Variants in PCCA observed in about 807,000 individuals in gnomAD.
PCCA encodes propionyl-CoA carboxylase alpha chain, mitochondrial.
Under a neutral mutation model 101.3 loss-of-function variants are expected in PCCA, and 74 were observed. The observed-to-expected ratio is 0.73, with a 90% CI of 0.61 to 0.89. PCCA has a LOEUF of 0.89. PCCA is among the 40% of genes least tolerant of loss of function. The pLI is 0.00. For synonymous variants in PCCA, 294 were observed against 313.6 expected (o/e 0.94, Z 0.66); for missense variants, 891 against 907.0 (o/e 0.98, Z 0.23).
intron 6 of PCCA, among the ~76,000 whole-genome samples, chr13:100,184,605 C>T (rs917700438): frequency 6.6e-6 from 1 of 152,170 alleles, no homozygotes; most frequent in African/African-American, 2.4e-5. Context: ...GCCATACTGT[C>T]ACAACCATTC....
At chr13:100,283,626 T>C (rs1343100720) in intron 12 of PCCA, among the ~76,000 whole-genome samples, 2 of 151,962 alleles carry the variant, frequency 1.3e-5, no homozygotes, top group Non-Finnish European at 2.9e-5. Context: ...CTGAACAAAA[T>C]CTAGAGGCAT....
chr13:100,266,222 A>G (rs1042554222), intron 10 of PCCA, among the ~76,000 whole-genome samples: 35 of 152,198 alleles, frequency 2.3e-4, no homozygotes, highest in African/African-American at 8.4e-4. Context: ...AAGGGTAGAG[A>G]GTAGGTCTTA....
chr13:100,100,047 G>A (rs117966668), intron 1 of PCCA, among the ~76,000 whole-genome samples: 2 of 152,266 alleles, frequency 1.3e-5, no homozygotes, highest in Non-Finnish European at 2.9e-5. Flanking sequence ...TAGTTTTCAT[G>A]TAAAACCTTA....
At chr13:100,482,753 G>C (rs1329927767) in intron 21 of PCCA, among the ~76,000 whole-genome samples, 4 of 152,256 alleles carry the variant, frequency 2.6e-5, no homozygotes, top group Non-Finnish European at 5.9e-5. Context: ...GGGTGCAGTG[G>C]CTCACGCCTG....
At chr13:100,231,361 G>A (rs2060461503) in intron 7 of PCCA, among the ~76,000 whole-genome samples, 1 of 152,180 alleles carries the variant, frequency 6.6e-6, no homozygotes, top group Non-Finnish European at 1.5e-5. Context: ...GTGCAAGGCT[G>A]GGGAGCCTGC....
At chr13:100,106,462 G>A (rs1266197354) in intron 2 of PCCA, among the ~76,000 whole-genome samples, 5 of 152,112 alleles carry the variant, frequency 3.3e-5, no homozygotes, top group Non-Finnish European at 5.9e-5. Flanking sequence ...CCAGGCTGGA[G>A]TGCAGTGGCA....
chr13:100,419,935 C>T (rs776027791), intron 19 of PCCA, among the ~76,000 whole-genome samples: 1 of 152,236 alleles, frequency 6.6e-6, no homozygotes, highest in Non-Finnish European at 1.5e-5. Context: ...TCTTTGTTTA[C>T]ATTAGCATGG....
chr13:100,529,365 A>G (rs2088168488), intron 23 of PCCA, among the ~76,000 whole-genome samples: 1 of 152,160 alleles, frequency 6.6e-6, no homozygotes, highest in South Asian at 2.1e-4. Flanking sequence ...GATGAGTTCT[A>G]ATCCATTTTT....
chr13:100,375,292 T>C (rs2075830484), intron 19 of PCCA, among the ~76,000 whole-genome samples: 1 of 152,318 alleles, frequency 6.6e-6, no homozygotes, highest in Non-Finnish European at 1.5e-5. Flanking sequence ...TCCAATTAGG[T>C]GGTCAATTTT....
At position 100,247,149 on chromosome 13, in the gene PCCA, C is replaced by A. The variant is rs113947120; in HGVS notation, c.638-10446C>A. Among the ~76,000 whole-genome samples, 695 of 151,626 alleles carry A rather than the reference C, an allele frequency of 4.6e-3. 7 individuals are homozygous for A. The highest frequency in any genetic ancestry group is 0.016 in the African/African-American group (653 of 41,298). On this transcript the variant is annotated intron_variant, in intron 8 of 23. Transcript: ENST00000376285. ...TCTCGAACTCCTGACCTCGGGTCATCCGCCCACCTTGGCCTCCCAAAGTGC... is the reference window on the plus strand; with the variant it reads ...TCTCGAACTCCTGACCTCGGGTCATACGCCCACCTTGGCCTCCCAAAGTGC...
intron 19 of PCCA, among the ~76,000 whole-genome samples, chr13:100,416,991 G>A (rs1364861442): frequency 6.6e-6 from 1 of 151,636 alleles, no homozygotes; most frequent in Non-Finnish European, 1.5e-5. Flanking sequence ...TTACAGGCAT[G>A]TGCCACCACG....
intron 19 of PCCA, among the ~76,000 whole-genome samples, chr13:100,374,917 T>C (rs1479207654): frequency 6.6e-6 from 1 of 152,182 alleles, no homozygotes; most frequent in Non-Finnish European, 1.5e-5. Flanking sequence ...AGGTTTTGAA[T>C]TTGTTTGCTC....
chr13:100,301,069 T>C (rs1267009772), intron 12 of PCCA, among the ~76,000 whole-genome samples: 1 of 152,212 alleles, frequency 6.6e-6, no homozygotes, highest in African/African-American at 2.4e-5. Context: ...AATCATAAGC[T>C]GCCCCTGTAG....
At chr13:100,437,697 C>G (rs529506066) in intron 20 of PCCA, among the ~76,000 whole-genome samples, 1 of 152,012 alleles carries the variant, frequency 6.6e-6, no homozygotes, top group Non-Finnish European at 1.5e-5. Flanking sequence ...GTGTTTGAGA[C>G]GGAGTCCGTT....
chr13:100,195,097 A>C (rs2058025606), intron 6 of PCCA, among the ~76,000 whole-genome samples: 1 of 152,174 alleles, frequency 6.6e-6, no homozygotes, highest in South Asian at 2.1e-4. Context: ...TAAATATTCA[A>C]ATTTAAAATG....
intron 18 of PCCA, among the ~76,000 whole-genome samples, chr13:100,343,664 AT>A (rs2071732599): frequency 6.6e-6 from 1 of 152,206 alleles, no homozygotes; most frequent in Non-Finnish European, 1.5e-5. Flanking sequence ...CTAAAACTGG[AT>A]TGGGGTGATG....
intron 8 of PCCA, among the ~76,000 whole-genome samples, chr13:100,240,935 T>C (rs9518028): frequency 0.31 from 47,526 of 151,772 alleles, 8,301 homozygotes; most frequent in East Asian, 0.71. Flanking sequence ...GACATATGCA[T>C]ATATATATAT....
At chr13:100,154,696 T>C in intron 4 of PCCA, 1 of 393,822 alleles carries the variant, frequency 2.5e-6, no homozygotes, top group Admixed American at 3.8e-5. Flanking sequence ...ATGAACGGAA[T>C]AGGAAGCTAA....
intron 4 of PCCA, chr13:100,154,375 TATC>T (rs2053661344): frequency 6.5e-6 from 1 of 154,578 alleles, no homozygotes; most frequent in African/African-American, 2.4e-5. Flanking sequence ...TTAATACACA[TATC>T]ATTTCTTTTA....
Sources: gnomAD v4.1 joint callset for allele counts (sites outside exome capture counted in the v4.1 genomes callset) on GRCh38, gnomAD v4.1.1 for gene constraint, MANE v1.5 for transcripts, NCBI Gene and HGNC (gene_info 2026-07-23, HGNC 2026-07-21) for gene names.